The following PGBD1 variants were observed in gnomAD, a reference collection of about 807,000 sequenced individuals.
PGBD1 encodes piggyBac transposable element derived 1.
Under a neutral mutation model 34.7 loss-of-function variants are expected in PGBD1, and 25 were observed. The ratio of observed to expected loss-of-function variants is 0.72; its 90% confidence interval spans 0.52 to 1.00. PGBD1 has a LOEUF of 1.00. Among genes scored for constraint, PGBD1 ranks in the 50% least tolerant of loss-of-function variants. PGBD1 has a pLI of 0.00. For synonymous variants in PGBD1, 292 were observed against 335.7 expected, an observed-to-expected ratio of 0.87 and a Z score of 1.42; for missense variants, 830 against 959.4, an observed-to-expected ratio of 0.87 and a Z score of 1.78.
intron 2 of PGBD1, among the ~76,000 whole-genome samples, chr6:28,284,462 A>G (rs1043378101): frequency 5.3e-5 from 8 of 152,018 alleles, no homozygotes; most frequent in African/African-American, 1.7e-4. Flanking sequence ...ATACACACAC[A>G]TACATACACA....
rs1271462107 is a variant in PGBD1 at position 28,301,126 on chromosome 6, AT to A, written c.1274del (p.Leu425TyrfsTer10). Reference sequence around the variant, plus strand: ...AGTTGAACCCAGTAGAGCTTTTTGAATTATTTTTTGATGATGAAACATTCAA... The same window carrying A: ...AGTTGAACCCAGTAGAGCTTTTTGAATATTTTTTGATGATGAAACATTCAA... ...EKLNPVELFELFFDDETFNLI... is the reference protein window; with the variant it reads ...EKLNPVELFEXFFDDETFNLI... On this transcript the variant is annotated frameshift_variant, in exon 7 of 7. Transcript: ENST00000682144. LOFTEE classifies it low-confidence loss of function (END_TRUNC). 6.2e-7 allele frequency: 1 copy of A among 1,614,164 alleles called. No homozygotes were observed. Among genetic ancestry groups the A allele is most frequent in the Admixed American group, 1.7e-5 (1 of 60,006 alleles).
intron 4 of PGBD1, among the ~76,000 whole-genome samples, chr6:28,288,916 A>G (rs1469173684): frequency 2.0e-5 from 3 of 152,166 alleles, no homozygotes; most frequent in African/African-American, 7.2e-5. Flanking sequence ...TGAACCTGGG[A>G]GATGGAGGTT....
chr6:28,299,217 C>T (rs776497490), intron 6 of PGBD1, among the ~76,000 whole-genome samples: 5 of 151,988 alleles, frequency 3.3e-5, no homozygotes, highest in Non-Finnish European at 7.4e-5. Flanking sequence ...TTCATAGTGC[C>T]TATAATAAAG....
chr6:28,291,367 C>T (rs1364362644), intron 4 of PGBD1, among the ~76,000 whole-genome samples: 1 of 151,796 alleles, frequency 6.6e-6, no homozygotes, highest in African/African-American at 2.4e-5. Flanking sequence ...TTCCTAGATG[C>T]ATGCCAACTA....
chr6:28,284,121 G>C lies in PGBD1; in HGVS notation c.308G>C (p.Cys103Ser), dbSNP rs1762211677. Residue 103 changes from cysteine to serine, a missense_variant, in exon 2 of 7, where the codon TGT becomes TCT. Around this residue, in one of 3 missense-constraint regions of PGBD1, gnomAD observed 457 missense variants for 515.4 expected, o/e 0.89. Transcript: ENST00000682144. ...ATCCTGCCCAAGGAGCTCCAGCCCT[G>C]TGTGAAGACATATCCTCTGGAGAGT... is the stretch of plus-strand genomic sequence containing the variant. ...LTILPKELQP[C>S]VKTYPLESGE... The C allele has an allele frequency of 6.2e-7, 1 of 1,613,886 alleles. No individual in the cohort carries two copies. Among genetic ancestry groups the C allele is most frequent in the African/African-American group, 1.3e-5 (1 of 75,042 alleles).
At chr6:28,297,845 T>TTTTAAAAAAAAAAAA in intron 5 of PGBD1, 50 bp from the exon 6 acceptor site, 1 of 283,628 alleles carries the variant, frequency 3.5e-6, no homozygotes. Flanking sequence ...TTTTTTTTTT[T>TTTTAAAAAAAAAAAA]CAAAATTCAC....
intron 4 of PGBD1, among the ~76,000 whole-genome samples, chr6:28,289,064 T>A (rs1762371539): frequency 6.6e-6 from 1 of 151,932 alleles, no homozygotes. Context: ...TCACAAAACT[T>A]GTGAAAGATA....
rs1384776147 is a variant in PGBD1 at position 28,298,303 on chromosome 6, G to T, written c.869+312G>T. On this transcript the variant is annotated intron_variant, in intron 6 of 6. Coordinates refer to ENST00000682144, the MANE Select transcript of PGBD1 (RefSeq NM_032507.4). ...TATGGAGCTGTGGAGAAGCTAGAAG[G>T]CAGATAATTTAACAAGAATGAGGGC... Among the ~76,000 whole-genome samples the T allele has an allele frequency of 4.6e-5, 7 of 152,008 alleles. No homozygotes were observed. The East Asian group carries it at 1.4e-3, about 29-fold the overall frequency.
intron 4 of PGBD1, among the ~76,000 whole-genome samples, chr6:28,294,290 G>T (rs1450871454): frequency 6.6e-6 from 1 of 152,206 alleles, no homozygotes; most frequent in Admixed American, 6.5e-5. Context: ...AGGTTGGTTC[G>T]TGAGGTGTAA....
At chr6:28,287,819 C>T (rs1051598695) in intron 4 of PGBD1, among the ~76,000 whole-genome samples, 1 of 152,130 alleles carries the variant, frequency 6.6e-6, no homozygotes, top group African/African-American at 2.4e-5. Context: ...AGACCCAGTG[C>T]CTCCTGTTAT....
chr6:28,302,017 T>C lies in PGBD1; in HGVS notation c.2163T>C (p.Pro721=), dbSNP rs1762862945. 1.9e-6 allele frequency: 3 copies of C among 1,614,034 alleles called. No homozygotes were observed. Among genetic ancestry groups the C allele is most frequent in the Non-Finnish European group, 2.5e-6 (3 of 1,180,032 alleles). ...GTGATGCTGATAACGAAGAAATCCC[T>C]CAGATAAGTCAACCATCCATAGTAA... The part of the protein sequence containing the change: ...SCCDADNEEI[P]QISQPSIVKV... Residue 721 remains proline (P), a synonymous_variant, in exon 7 of 7, where the codon CCT becomes CCC. Transcript: ENST00000682144.
At chr6:28,299,639 T>C (rs926573314) in intron 6 of PGBD1, among the ~76,000 whole-genome samples, 2 of 152,222 alleles carry the variant, frequency 1.3e-5, no homozygotes, top group Admixed American at 1.3e-4. Context: ...CTTTGAAAAC[T>C]TGACTAGTTT....
Position 28,281,620 on chromosome 6 carries a change from A to C in PGBD1, c.-337A>C. On this transcript the variant is annotated 5_prime_UTR_variant, in exon 1 of 7. Transcript: ENST00000682144. ...GCCGGCAGCGCCCGCCAGACCCGCC[A>C]GCCCAGCGGCCCGGGCTCTGGGGAA... 2.6e-6 allele frequency: 1 copy of C among 381,174 alleles called. No individual in the cohort carries two copies. The highest frequency in any genetic ancestry group is 4.6e-6 in the Non-Finnish European group (1 of 215,564). 23.6% of individuals were successfully genotyped at this position (381,174 alleles called of 1,614,324 possible).
chr6:28,292,600 C>T (rs1371519072), intron 4 of PGBD1, among the ~76,000 whole-genome samples: 1 of 151,854 alleles, frequency 6.6e-6, no homozygotes, highest in East Asian at 1.9e-4. Flanking sequence ...ATTAAAATGA[C>T]AATACTTCCC....
chr6:28,285,804 T>C (rs1762270940), intron 3 of PGBD1, 97 bp downstream of exon 3: 2 of 1,283,468 alleles, frequency 1.6e-6, no homozygotes, highest in African/African-American at 3.0e-5. Flanking sequence ...TGTGAAATGA[T>C]TACCACAAGC....
At chr6:28,293,661 A>G (rs182816469) in intron 4 of PGBD1, among the ~76,000 whole-genome samples, 1 of 152,294 alleles carries the variant, frequency 6.6e-6, no homozygotes, top group East Asian at 1.9e-4. Context: ...TATATCTGTC[A>G]TGGTGATCTG....
chr6:28,300,394 A>C lies in PGBD1; in HGVS notation c.870-330A>C, dbSNP rs1037855742. On this transcript the variant is annotated intron_variant, in intron 6 of 6. Coordinates refer to ENST00000682144, the MANE Select transcript of PGBD1 (RefSeq NM_032507.4). This position sits in a 1 kb window ranked among gnomAD's most constrained non-coding sequence, Gnocchi z 4.0. ...GAGTGTAGCAGATGTCCCTCTGCAT[A>C]GGTCTTCTCAATGCAACTTGGGGCA... Among the ~76,000 whole-genome samples the C allele has an allele frequency of 6.6e-6, 1 of 152,158 alleles. No individual in the cohort carries two copies. Among genetic ancestry groups the C allele is most frequent in the Non-Finnish European group, 1.5e-5 (1 of 68,046 alleles).
intron 5 of PGBD1, 40 bp downstream of exon 5, chr6:28,296,985 C>G: frequency 1.2e-6 from 2 of 1,610,694 alleles, no homozygotes; most frequent in East Asian, 2.2e-5. Flanking sequence ...TCTGGACTCT[C>G]ATTTTCCTGT....
chr6:28,284,304 A>G (rs1222935539), intron 2 of PGBD1, 95 bp downstream of exon 2: 2 of 1,313,626 alleles, frequency 1.5e-6, no homozygotes, highest in Admixed American at 5.6e-5. Flanking sequence ...CTCCTAATTT[A>G]TAGAAGTATT....
Sources: allele counts gnomAD v4.1 joint callset (sites outside exome capture counted in the v4.1 genomes callset), GRCh38; gene constraint gnomAD v4.1.1; regional missense constraint gnomAD v4.1.1; non-coding constraint Gnocchi (gnomAD v3.1); transcripts MANE v1.5; gene names NCBI Gene and HGNC (gene_info 2026-07-23, HGNC 2026-07-21).